The following CSMD1 variants were observed in gnomAD, a reference collection of about 807,000 sequenced individuals.
CSMD1 encodes the protein CUB and sushi domain-containing protein 1.
CSMD1 carries 213 observed loss-of-function variants against 417.5 expected under a neutral mutation model. The ratio of observed to expected loss-of-function variants is 0.51; its 90% CI spans 0.46 to 0.57. CSMD1 has a LOEUF of 0.57. CSMD1 is among the 20% of genes least tolerant of loss of function. The pLI is 0.00. For synonymous variants in CSMD1, 2,862 were observed against 1,736.8 expected (o/e 1.65, Z -16.11); for missense variants, 6,923 against 4,529.7 (o/e 1.53, Z -15.17).
chr8:4,639,431 G>C (rs572401344), intron 1 of CSMD1, among the ~76,000 whole-genome samples: 26 of 152,188 alleles, frequency 1.7e-4, no homozygotes, highest in African/African-American at 5.8e-4. Context: ...TTACTATCCT[G>C]TAAGGGAATA....
chr8:3,495,708 C>T (rs1037253231), intron 10 of CSMD1, among the ~76,000 whole-genome samples: 3 of 152,114 alleles, frequency 2.0e-5, no homozygotes, highest in Non-Finnish European at 4.4e-5. Context: ...ACCATCCTTT[C>T]AGAGTAAAAG....
At chr8:3,255,069 T>G (rs1406081472) in intron 26 of CSMD1, among the ~76,000 whole-genome samples, 1 of 152,204 alleles carries the variant, frequency 6.6e-6, no homozygotes, top group East Asian at 1.9e-4. Context: ...TCCTTCCTGT[T>G]TGTTAGTTTT....
At chr8:4,078,349 C>G (rs1232437918) in intron 3 of CSMD1, among the ~76,000 whole-genome samples, 4 of 134,582 alleles carry the variant, frequency 3.0e-5, no homozygotes, top group Admixed American at 1.6e-4. Context: ...GAGTCTTGCT[C>G]TGTGTCGCAG....
chr8:2,994,102 C>T (rs1439313539), intron 54 of CSMD1, among the ~76,000 whole-genome samples: 9 of 122,914 alleles, frequency 7.3e-5, no homozygotes, highest in African/African-American at 2.6e-4. Flanking sequence ...GCTGAGATGG[C>T]GCCATTGCAC....
chr8:3,575,042 C>T lies in CSMD1; in HGVS notation c.1247G>A (p.Arg416His), dbSNP rs756787008. Reference sequence around the variant, plus strand: ...GGAGGTAATGACGCCGCTGGGCCCACGCAGATTGGATCCACATGTTCTCGC... The same window carrying T: ...GGAGGTAATGACGCCGCTGGGCCCATGCAGATTGGATCCACATGTTCTCGC... Reference protein sequence around the residue: ...CRARTCGSNLRGPSGVITSPN... With the variant: ...CRARTCGSNLHGPSGVITSPN... The change falls in exon 10 of 70, where the codon CGT (arginine) becomes CAT (histidine). Residue 416 changes from arginine (R) to histidine (H), a missense_variant. Coordinates refer to ENST00000635120, the MANE Select transcript of CSMD1 (RefSeq NM_033225.6). The T allele has an allele frequency of 3.1e-6, 5 of 1,613,366 alleles. No homozygotes were observed. The highest frequency in any genetic ancestry group is 3.4e-6 in the Non-Finnish European group (4 of 1,179,726).
intron 3 of CSMD1, among the ~76,000 whole-genome samples, chr8:4,203,163 G>A (rs190171099): frequency 1.4e-3 from 219 of 152,268 alleles, no homozygotes; most frequent in South Asian, 7.3e-3. Context: ...AGGTCAGAGG[G>A]ACATGTCATT....
At chr8:4,177,754 A>T (rs1298635470) in intron 3 of CSMD1, among the ~76,000 whole-genome samples, 2 of 151,552 alleles carry the variant, frequency 1.3e-5, no homozygotes, top group East Asian at 3.9e-4. Context: ...GGATATCACC[A>T]CCGATCCCAC....
chr8:3,931,452 C>A (rs1810131640), intron 5 of CSMD1, among the ~76,000 whole-genome samples: 1 of 150,284 alleles, frequency 6.7e-6, no homozygotes, highest in South Asian at 2.1e-4. Context: ...GGCTTTTAAA[C>A]CTCCTGACAA....
intron 3 of CSMD1, among the ~76,000 whole-genome samples, chr8:4,276,265 A>C (rs1035752425): frequency 6.6e-6 from 1 of 152,242 alleles, no homozygotes; most frequent in African/African-American, 2.4e-5. Flanking sequence ...AAAATGTGGC[A>C]CATATACACC....
chr8:4,526,761 GGACTATGAT>G (rs1044680900), intron 2 of CSMD1, among the ~76,000 whole-genome samples: 63 of 152,064 alleles, frequency 4.1e-4, no homozygotes, highest in African/African-American at 1.5e-3. Context: ...ACGTTAGCAG[GGACTATGAT>G]TCTCCACAAC....
chr8:4,091,710 G>T (rs530827390), intron 3 of CSMD1, among the ~76,000 whole-genome samples: 1 of 152,162 alleles, frequency 6.6e-6, no homozygotes, highest in Non-Finnish European at 1.5e-5. Context: ...GCTGATAAAG[G>T]CACAAGCCTC....
rs551640070 is a variant in CSMD1, at chr8:3,557,351, A to G, written c.1344+17594T>C. Among the ~76,000 whole-genome samples the G allele has an allele frequency of 4.2e-4, 64 of 152,296 alleles. 1 individual carries two copies. The South Asian group carries it at 0.012, about 28-fold the overall frequency. ...ATCGCTGCCTCTCTAGTGGGGTAAAACATTCCAAACTTGGCCATTATTACT... is the reference window on the plus strand; with the variant it reads ...ATCGCTGCCTCTCTAGTGGGGTAAAGCATTCCAAACTTGGCCATTATTACT... On this transcript the variant is annotated intron_variant, in intron 10 of 69. Coordinates refer to ENST00000635120, the MANE Select transcript of CSMD1 (RefSeq NM_033225.6).
chr8:4,757,086 A>T (rs934375289), intron 1 of CSMD1, among the ~76,000 whole-genome samples: 6 of 152,254 alleles, frequency 3.9e-5, no homozygotes, highest in African/African-American at 1.4e-4. Context: ...AAGAAACAGG[A>T]TAAGTAGGAC....
intron 12 of CSMD1, among the ~76,000 whole-genome samples, chr8:3,439,307 A>ATTTTTT (rs1356132702): frequency 1.4e-4 from 6 of 43,782 alleles, no homozygotes; most frequent in South Asian, 1.0e-3. Context: ...ATATATATAT[A>ATTTTTT]TATTTTTTTT....
At chr8:2,961,011 T>C (rs1274979078) in intron 62 of CSMD1, 130 bp downstream of exon 62, 2 of 305,626 alleles carry the variant, frequency 6.5e-6, no homozygotes, top group East Asian at 6.2e-5. Flanking sequence ...GAAATCCCCT[T>C]TGAACGAATT....
rs563449061 is a variant in CSMD1 at position 4,929,642 on chromosome 8, A to G, written c.85+64690T>C. Among the ~76,000 whole-genome samples, 5 of 152,268 alleles carry G rather than the reference A, an allele frequency of 3.3e-5. No homozygotes were observed. In the East Asian group the frequency reaches 9.7e-4, roughly 29 times the overall value. On this transcript the variant is annotated intron_variant, in intron 1 of 69. Transcript: ENST00000635120. The stretch of plus-strand genomic sequence containing the variant: ...TTTGTCACCATTTTCATCTGATTCA[A>G]TTAACTGACACATCATTCTACACAT...
chr8:3,222,557 T>C (rs1798279814), intron 28 of CSMD1, among the ~76,000 whole-genome samples: 1 of 152,126 alleles, frequency 6.6e-6, no homozygotes, highest in Non-Finnish European at 1.5e-5. Context: ...GTGCTCCCCA[T>C]CTTGGCCTCC....
chr8:4,482,835 T>C (rs2130139761), intron 2 of CSMD1, among the ~76,000 whole-genome samples: 1 of 152,306 alleles, frequency 6.6e-6, no homozygotes, highest in East Asian at 1.9e-4. Flanking sequence ...AAATCAATAC[T>C]AAAACTCTTA....
intron 1 of CSMD1, among the ~76,000 whole-genome samples, chr8:4,808,599 G>A (rs539864587): frequency 6.6e-6 from 1 of 152,162 alleles, no homozygotes; most frequent in South Asian, 2.1e-4. Context: ...GATACTAATG[G>A]TTTCACCCAA....
Sources: allele counts gnomAD v4.1 joint callset (sites outside exome capture counted in the v4.1 genomes callset), GRCh38; gene constraint gnomAD v4.1.1; transcripts MANE v1.5; gene names NCBI Gene and HGNC (gene_info 2026-07-23, HGNC 2026-07-21).